The following LAMA5 variants were observed in gnomAD, a reference collection of about 807,000 sequenced individuals.
The protein encoded by LAMA5 is laminin subunit alpha 5.
Under a neutral mutation model 433.4 loss-of-function variants are expected in LAMA5, and 260 were observed. The ratio of observed to expected loss-of-function variants is 0.60; its 90% CI spans 0.54 to 0.66. The LOEUF is 0.66. LAMA5 is among the 30% of genes least tolerant of loss of function. LAMA5 has a pLI of 0.00. For synonymous variants in LAMA5, 2,620 were observed against 2,226.6 expected (o/e 1.18, Z -4.97); for missense variants, 5,378 against 5,258.5 (o/e 1.02, Z -0.70).
intron 45 of LAMA5, among the ~76,000 whole-genome samples, 181 bp downstream of exon 45, chr20:62,323,256 AGGGCCTGATCGCTGGGGCG>A (rs1978642161): frequency 1.0e-5 from 1 of 97,450 alleles, no homozygotes; most frequent in African/African-American, 4.2e-5. Context: ...CTGGGGCGGG[AGGGCCTGATCGCTGGGGCG>A]GGAGGACCGG....
intron 9 of LAMA5, 114 bp from the exon 10 acceptor site, chr20:62,346,329 C>T (rs1983359488): frequency 2.8e-6 from 4 of 1,440,658 alleles, no homozygotes; most frequent in Non-Finnish European, 3.8e-6. Flanking sequence ...AGGGCTACAG[C>T]CAGGCCCCCT....
At chr20:62,330,975 C>T (rs1471180297) in intron 29 of LAMA5, 31 bp from the exon 30 acceptor site, 38 of 1,559,062 alleles carry the variant, frequency 2.4e-5, no homozygotes, top group South Asian at 3.5e-5. Context: ...GAGTCAGAGC[C>T]GGCCCTGCCG....
In LAMA5 at chr20:62,314,809, G is replaced by GC. The variant is rs924256054; in HGVS notation, c.8185dup (p.Ala2729GlyfsTer4). ...GGGACTCTCACCCACCTTACTGGCA[G>GC]CCCCCCGGGCCTGGGCAATGAGCTC... On this transcript the variant is annotated frameshift_variant, in exon 60 of 80. Transcript: ENST00000252999. LOFTEE classifies it high-confidence loss of function. The GC allele has an allele frequency of 3.1e-6, 5 of 1,612,688 alleles. No individual in the cohort carries two copies. The highest frequency in any genetic ancestry group is 3.4e-6 in the Non-Finnish European group (4 of 1,179,924).
At position 62,311,950 on chromosome 20, in the gene LAMA5, T is replaced by TG. The variant is rs1395643585; in HGVS notation, c.9604dup (p.His3202ProfsTer18). 1 of 1,612,296 alleles carries TG rather than the reference T, an allele frequency of 6.2e-7. No individual in the cohort carries two copies. The highest frequency in any genetic ancestry group is 8.5e-7 in the Non-Finnish European group (1 of 1,179,786). On this transcript the variant is annotated frameshift_variant, in exon 70 of 80. Coordinates refer to ENST00000252999, the MANE Select transcript of LAMA5 (RefSeq NM_005560.6). LOFTEE classifies it high-confidence loss of function. ...GGCATTGCTGTAGAAGGCGACGTAA[T>TG]GGGGGGCACCATCGGCGAAGCCCGC... is the stretch of plus-strand genomic sequence containing the variant.
rs781354491 is a variant in LAMA5, at chr20:62,333,461, A to AG, written c.3041dup (p.Ser1015Ter). The AG allele has an allele frequency of 6.2e-7, 1 of 1,612,636 alleles. No individual in the cohort carries two copies. The highest frequency in any genetic ancestry group is 1.7e-5 in the Admixed American group (1 of 59,996). The stretch of plus-strand genomic sequence containing the variant: ...GGAGCGCCGCCTCGTAGTATGCGCT[A>AG]GGCAGCAGAACCACGTAGTCCTGCA... On this transcript the variant is annotated frameshift_variant, in exon 25 of 80. Transcript: ENST00000252999. LOFTEE classifies it high-confidence loss of function.
chr20:62,348,218 T>C (rs1983665967), intron 6 of LAMA5, among the ~76,000 whole-genome samples: 1 of 151,560 alleles, frequency 6.6e-6, no homozygotes, highest in Non-Finnish European at 1.5e-5. Context: ...AGAGAAACAA[T>C]GTGGCAGGTC....
intron 2 of LAMA5, among the ~76,000 whole-genome samples, chr20:62,361,260 G>T (rs1236112321): frequency 1.3e-5 from 2 of 152,100 alleles, no homozygotes; most frequent in African/African-American, 4.8e-5. Context: ...CCCAGGCCAG[G>T]GCAGGGCTAG....
chr20:62,320,318 CAAAAAAA>C lies in LAMA5; in HGVS notation c.6759+234_6759+240del, dbSNP rs60260941. On this transcript the variant is annotated intron_variant, in intron 50 of 79. Coordinates refer to ENST00000252999, the MANE Select transcript of LAMA5 (RefSeq NM_005560.6). ...GGGCAACAAGAGCAAAACTGTGTCT[CAAAAAAA>C]AAAAAAAAAAAAAAAAAAGACATTT... is the stretch of plus-strand genomic sequence containing the variant. Among the ~76,000 whole-genome samples, 20 of 51,286 alleles carry C rather than the reference CAAAAAAA, an allele frequency of 3.9e-4. 1 individual carries two copies. The highest frequency in any genetic ancestry group is 9.0e-4 in the African/African-American group (11 of 12,216). The allele number at this position is 51,286 out of a possible 152,430, so 33.6% of individuals were successfully genotyped here. A position where few individuals can be genotyped will look rare whatever the true frequency, so the allele number is the denominator to read the frequency against.
intron 40 of LAMA5, 111 bp downstream of exon 40, chr20:62,326,566 G>T: frequency 2.4e-6 from 2 of 827,706 alleles, no homozygotes; most frequent in Non-Finnish European, 3.9e-6. Flanking sequence ...TCTGCTCCTG[G>T]GCTGTTTTCC....
chr20:62,310,162 C>T lies in LAMA5; in HGVS notation c.10734+16G>A. On this transcript the variant is annotated intron_variant, in intron 77 of 79. Transcript: ENST00000252999. ...AGGCAAACCCTGCCCTGGCACGCCACCTCTGCCAGGCTTACTTGCTTCTCG... is the reference window on the plus strand; with the variant it reads ...AGGCAAACCCTGCCCTGGCACGCCATCTCTGCCAGGCTTACTTGCTTCTCG... 2.5e-6 allele frequency: 4 copies of T among 1,612,196 alleles called. No individual in the cohort carries two copies. The highest frequency in any genetic ancestry group is 2.2e-5 in the South Asian group (2 of 91,084).
intron 6 of LAMA5, among the ~76,000 whole-genome samples, chr20:62,349,238 G>A (rs914536050): frequency 6.6e-5 from 8 of 120,916 alleles, no homozygotes; most frequent in East Asian, 2.9e-4. Context: ...GCCACTGCAC[G>A]CCAGTCTGGG....
At chr20:62,354,594 G>A (rs1461488790) in intron 2 of LAMA5, among the ~76,000 whole-genome samples, 1 of 152,156 alleles carries the variant, frequency 6.6e-6, no homozygotes, top group Non-Finnish European at 1.5e-5. Context: ...AACAGCCCAT[G>A]GCCTCAATGG....
At position 62,313,575 on chromosome 20, in the gene LAMA5, C is replaced by T. The variant is rs373479319; in HGVS notation, c.8658+74G>A. 21 of 1,580,498 alleles carry T rather than the reference C, an allele frequency of 1.3e-5. No homozygotes were observed. The South Asian group carries it at 2.0e-4, about 15-fold the overall frequency. ...ACTGAGGCAAGATACCAAAAGAACC[C>T]GCGGCTCTCCAGGACACAAGCGACT... On this transcript the variant is annotated intron_variant, in intron 63 of 79. Transcript: ENST00000252999.
rs757776164 is a variant in LAMA5 at position 62,328,931 on chromosome 20, C to T, written c.4360G>A (p.Gly1454Arg). 38 of 1,611,394 alleles carry T rather than the reference C, an allele frequency of 2.4e-5. No individual in the cohort carries two copies. The highest frequency in any genetic ancestry group is 6.7e-5 in the Admixed American group (4 of 59,878). ...GATGPTCEPFGGQCPCHAHVI... is the reference protein window; with the variant it reads ...GATGPTCEPFRGQCPCHAHVI... ...TGGGCATGGCAGGGACACTGGCCCC[C>T]GAAGGGCTCACACGTGGGGCCTGTA... is the stretch of plus-strand genomic sequence containing the variant. The change falls in exon 34 of 80, where the codon GGG becomes AGG. Residue 1454 changes from glycine (G) to arginine (R), a missense_variant. Transcript: ENST00000252999.
In LAMA5 at chr20:62,328,430, G is replaced by A. The variant is rs765304275; in HGVS notation, c.4463C>T (p.Ala1488Val). ...GCCCGTGAGCTCGTCACAGAGGCGG[G>A]CACCGCAGTCACAGGCTGTGGGGCG... ...FPNCRPCDCG[A>V]RLCDELTGQC... Residue 1488 changes from alanine (A) to valine (V), a missense_variant, in exon 35 of 80, where the codon GCC (alanine) becomes GTC (valine). Transcript: ENST00000252999. 4.0e-6 allele frequency: 6 copies of A among 1,505,648 alleles called. No individual in the cohort carries two copies. Among genetic ancestry groups the A allele is most frequent in the Non-Finnish European group, 5.4e-6 (6 of 1,120,394 alleles). The allele number at this position is 1,505,648 out of a possible 1,614,324, so 93.3% of individuals were successfully genotyped here.
At chr20:62,334,425 G>T in intron 21 of LAMA5, 83 bp from the exon 22 acceptor site, 1 of 1,514,954 alleles carries the variant, frequency 6.6e-7, no homozygotes, top group Non-Finnish European at 8.9e-7. Flanking sequence ...CAGGGAGGGT[G>T]AGGCCTCACG....
Position 62,315,983 on chromosome 20 carries a change from A to G in LAMA5, c.7832T>C (p.Ile2611Thr), listed in dbSNP as rs1986893298. ...RAKKDQLEAH[I>T]QAAQAMLAMD... ...GGCAAGCATGGCCTGCGCCGCCTGG[A>G]TGTGCGCCTCCAGCTGGTCCTTCTT... Residue 2611 changes from isoleucine (I) to threonine (T), a missense_variant, in exon 58 of 80, where the codon ATC (isoleucine) becomes ACC (threonine). Ile to Thr is a moderately conservative substitution (Grantham distance 89). Coordinates refer to ENST00000252999, the MANE Select transcript of LAMA5 (RefSeq NM_005560.6). 1 of 1,607,838 alleles carries G rather than the reference A, an allele frequency of 6.2e-7. No homozygotes were observed. Among genetic ancestry groups the G allele is most frequent in the Admixed American group, 1.7e-5 (1 of 59,752 alleles).
intron 11 of LAMA5, 96 bp from the exon 12 acceptor site, chr20:62,338,704 T>TA (rs1238011158): frequency 2.7e-5 from 33 of 1,203,592 alleles, no homozygotes; most frequent in Non-Finnish European, 3.8e-5. Context: ...CTCATTTTCT[T>TA]ACACTTTTAC....
intron 1 of LAMA5, among the ~76,000 whole-genome samples, chr20:62,365,322 G>A (rs995931395): frequency 4.8e-4 from 73 of 152,234 alleles, no homozygotes; most frequent in Admixed American, 9.2e-4. Context: ...GGGCCAGCAC[G>A]CTGTGCCCAT....
Sources: allele counts gnomAD v4.1 joint callset (sites outside exome capture counted in the v4.1 genomes callset), GRCh38; gene constraint gnomAD v4.1.1; transcripts MANE v1.5; gene names NCBI Gene and HGNC (gene_info 2026-07-23, HGNC 2026-07-21).